Variants in ERP27 observed in about 807,000 individuals in gnomAD.
The protein encoded by ERP27 is endoplasmic reticulum resident protein 27.
A neutral mutation model predicts 27.7 loss-of-function variants in ERP27; 23 were observed. That is an observed-to-expected ratio of 0.83 (90% CI 0.60 to 1.18). The LOEUF (loss-of-function observed/expected upper bound fraction) is 1.18. ERP27 is among the 50% of genes most tolerant of loss of function. The pLI, the probability that ERP27 is intolerant of heterozygous loss-of-function variation, is 0.00. For missense variants in ERP27, 363 were observed against 327.9 expected (o/e 1.11, Z -0.83); for synonymous variants, 159 against 118.3 (o/e 1.34, Z -2.23).
Position 14,921,052 on chromosome 12 carries a change from G to A in ERP27, c.334-4C>T, listed in dbSNP as rs1863495539. ...AATTCAGTTGTTCATTGTCTACCTG[G>A]ATAACACAAAAAAGAATGAAGTCAC... On this transcript the variant is annotated splice_polypyrimidine_tract_variant and splice_region_variant and intron_variant, in intron 3 of 6. Coordinates refer to ENST00000266397, the MANE Select transcript of ERP27 (RefSeq NM_152321.4). 2 of 1,607,784 alleles carry A rather than the reference G, an allele frequency of 1.2e-6. No individual in the cohort carries two copies. The highest frequency in any genetic ancestry group is 1.7e-6 in the Non-Finnish European group (2 of 1,174,770).
At chr12:14,936,346 G>T (rs991417186) in intron 2 of ERP27, among the ~76,000 whole-genome samples, 2 of 152,190 alleles carry the variant, frequency 1.3e-5, no homozygotes, top group Admixed American at 6.6e-5. Context: ...CAACTCTGCA[G>T]CCCAGGCCTG....
At chr12:14,934,049 C>T (rs1157740344) in intron 3 of ERP27, among the ~76,000 whole-genome samples, 1 of 152,208 alleles carries the variant, frequency 6.6e-6, no homozygotes, top group Non-Finnish European at 1.5e-5. Context: ...AGGACAAACT[C>T]ATTAAAGTGG....
In ERP27 at chr12:14,934,422, G is replaced by A. The variant is rs115623248; in HGVS notation, c.333+434C>T. On this transcript the variant is annotated intron_variant, in intron 3 of 6. Transcript: ENST00000266397. ...ATATATTTAATATGTTTTTATTATC[G>A]GTATCTTGCATAGGGCATACAGGAA... is the stretch of plus-strand genomic sequence containing the variant. Among the ~76,000 whole-genome samples the A allele has an allele frequency of 6.7e-3, 1,017 of 151,828 alleles. 12 individuals are homozygous for A. Among genetic ancestry groups the A allele is most frequent in the African/African-American group, 0.021 (861 of 41,382 alleles).
Position 14,920,965 on chromosome 12 carries a change from G to A in ERP27, c.417C>T (p.Asn139=), listed in dbSNP as rs772143608. Residue 139 remains asparagine, a synonymous_variant, in exon 4 of 7, where the codon AAC becomes AAT. Transcript: ENST00000266397. ...ATKLSRFIEI[N]SLHMVTEYNP... The stretch of plus-strand genomic sequence containing the variant: ...TGTACTCTGTCACCATGTGGAGGCT[G>A]TTGATCTCAATGAAACGGCTCAATT... The A allele has an allele frequency of 3.1e-6, 5 of 1,614,108 alleles. No homozygotes were observed. The East Asian group carries it at 1.1e-4, about 36-fold the overall frequency.
chr12:14,937,930 G>T (rs779992168), intron 2 of ERP27, 22 bp downstream of exon 2: 6 of 1,601,828 alleles, frequency 3.7e-6, no homozygotes, highest in Non-Finnish European at 5.1e-6. Flanking sequence ...GCTCTTGGGG[G>T]AATTGCAAGT....
intron 3 of ERP27, among the ~76,000 whole-genome samples, chr12:14,929,472 C>A (rs748747066): frequency 2.6e-5 from 4 of 152,118 alleles, no homozygotes; most frequent in Admixed American, 6.5e-5. Flanking sequence ...GAATTATTTG[C>A]ATAATGCACT....
intron 3 of ERP27, chr12:14,929,070 T>A (rs11056244): frequency 0.36 from 553,059 of 1,525,596 alleles, 103,182 homozygotes; most frequent in Middle Eastern, 0.41. Flanking sequence ...GCTTCCTGAC[T>A]ATTTTTCTAG....
Position 14,934,862 on chromosome 12 carries a change from A to G in ERP27, c.327T>C (p.Phe109=). 1 of 1,613,992 alleles carries G rather than the reference A, an allele frequency of 6.2e-7. No individual in the cohort carries two copies. The highest frequency in any genetic ancestry group is 8.5e-7 in the Non-Finnish European group (1 of 1,179,862). Residue 109 remains phenylalanine, a synonymous_variant, in exon 3 of 7, where the codon TTT becomes TTC. Transcript: ENST00000266397. The part of the protein sequence containing the change: ...YNITGNTICL[F]RLVDNEQLNL... Reference sequence around the variant, plus strand: ...AGCTACCCACCCAACTTACCAGGCGAAAGAGGCAGATGGTGTTCCCAGTGA... The same window carrying G: ...AGCTACCCACCCAACTTACCAGGCGGAAGAGGCAGATGGTGTTCCCAGTGA...
At chr12:14,919,630 G>A (rs1863468929) in intron 4 of ERP27, among the ~76,000 whole-genome samples, 1 of 152,128 alleles carries the variant, frequency 6.6e-6, no homozygotes, top group African/African-American at 2.4e-5. Flanking sequence ...CCTGTTGAAG[G>A]CAGTGTAGGG....
rs1174065033 is a variant in ERP27 at position 14,929,217 on chromosome 12, G to T, written c.333+5639C>A. 2.6e-6 allele frequency: 3 copies of T among 1,132,254 alleles called. No homozygotes were observed. The Admixed American group carries it at 1.0e-4, about 38-fold the overall frequency. The allele number at this position is 1,132,254 out of a possible 1,614,324, so 70.1% of individuals were successfully genotyped here. A position where few individuals can be genotyped will look rare whatever the true frequency, so the allele number is the denominator to read the frequency against. ...GAGAACAAGAAAAGCCAGTTACTCT[G>T]GGTGTTTCTGGACTTAAAGAATGCA... On this transcript the variant is annotated intron_variant, in intron 3 of 6. Transcript: ENST00000266397.
chr12:14,915,726 G>A (rs1163129588), intron 5 of ERP27, 40 bp from the exon 6 acceptor site: 2 of 1,581,414 alleles, frequency 1.3e-6, no homozygotes, highest in Non-Finnish European at 1.7e-6. Context: ...TTCTATCTGA[G>A]GTGACGTCCA....
chr12:14,914,600 GTGCGTGTGTGCA>G lies in ERP27; in HGVS notation c.*123_*134del. On this transcript the variant is annotated 3_prime_UTR_variant, in exon 7 of 7. Transcript: ENST00000266397. Reference sequence around the variant, plus strand: ...TGTGCGTGTGTGTGTGCACGCGTGCGTGCGTGTGTGCACGTGCGTGTGTGTGTGGTTGGCAGG... The same window carrying G: ...TGTGCGTGTGTGTGTGCACGCGTGCGCGTGCGTGTGTGTGTGGTTGGCAGG... 1.5e-6 allele frequency: 1 copy of G among 660,500 alleles called. No homozygotes were observed. Among genetic ancestry groups the G allele is most frequent in the Non-Finnish European group, 2.6e-6 (1 of 381,366 alleles). 40.9% of individuals were successfully genotyped at this position (660,500 alleles called of 1,614,324 possible).
intron 3 of ERP27, among the ~76,000 whole-genome samples, chr12:14,925,893 G>A (rs182353898): frequency 6.6e-6 from 1 of 152,000 alleles, no homozygotes; most frequent in East Asian, 1.9e-4. Flanking sequence ...CATGATGAAA[G>A]CCCATCTCTA....
intron 4 of ERP27, among the ~76,000 whole-genome samples, chr12:14,919,318 T>C (rs542951004): frequency 6.6e-6 from 1 of 152,316 alleles, no homozygotes; most frequent in East Asian, 1.9e-4. Flanking sequence ...TTAAAAAAGA[T>C]ACGTCATTGC....
intron 3 of ERP27, among the ~76,000 whole-genome samples, chr12:14,932,266 A>T (rs2430709): frequency 0.015 from 2,237 of 152,272 alleles, 67 homozygotes; most frequent in African/African-American, 0.051. Context: ...GAAAATAGAG[A>T]TAAGGAGTTA....
intron 2 of ERP27, among the ~76,000 whole-genome samples, chr12:14,936,422 T>C (rs538961225): frequency 8.5e-5 from 13 of 152,202 alleles, no homozygotes; most frequent in Admixed American, 2.0e-4. Flanking sequence ...CTGGCATCAT[T>C]TTCCCTGCTC....
At chr12:14,919,320 C>A (rs561667196) in intron 4 of ERP27, among the ~76,000 whole-genome samples, 1 of 152,132 alleles carries the variant, frequency 6.6e-6, no homozygotes, top group African/African-American at 2.4e-5. Context: ...AAAAAAGATA[C>A]GTCATTGCTC....
At position 14,917,931 on chromosome 12, in the gene ERP27, T is replaced by C. The variant is rs75083595; in HGVS notation, c.451-628A>G. On this transcript the variant is annotated intron_variant, in intron 4 of 6. Coordinates refer to ENST00000266397, the MANE Select transcript of ERP27 (RefSeq NM_152321.4). ...TCCTAAGATTTGGAGTAATCTGTTT[T>C]GCAGCAATAGACAACTAATACACTA... Among the ~76,000 whole-genome samples the C allele has an allele frequency of 7.1e-3, 1,088 of 152,338 alleles. 23 individuals carry two copies. The highest frequency in any genetic ancestry group is 0.034 in the East Asian group (174 of 5,188).
chr12:14,916,733 A>C (rs971407499), intron 5 of ERP27, among the ~76,000 whole-genome samples: 34 of 152,184 alleles, frequency 2.2e-4, no homozygotes, highest in African/African-American at 7.2e-4. Flanking sequence ...AGTAATATCA[A>C]GCAGAACTCC....
Sources: gnomAD v4.1 joint callset for allele counts (sites outside exome capture counted in the v4.1 genomes callset) on GRCh38, gnomAD v4.1.1 for gene constraint, MANE v1.5 for transcripts, NCBI Gene and HGNC (gene_info 2026-07-23, HGNC 2026-07-21) for gene names.